AP1S2: variants seen among roughly 807,000 people sequenced by gnomAD.
AP1S2 encodes AP-1 complex subunit sigma-2.
A neutral mutation model predicts 14.3 loss-of-function variants in AP1S2; 1 was observed. The observed-to-expected ratio is 0.07, with a 90% confidence interval of 0.02 to 0.33. The LOEUF is 0.33. Ranked by LOEUF, AP1S2 falls within the 10% of genes least tolerant of loss-of-function variation. AP1S2 has a pLI of 0.99. For synonymous variants in AP1S2, 30 were observed against 40.5 expected (o/e 0.74, Z 0.99); for missense variants, 30 against 117.7 (o/e 0.25, Z 3.45).
intron 4 of AP1S2, among the ~76,000 whole-genome samples, chrX:15,839,708 G>A (rs1211376645): frequency 1.9e-5 from 2 of 108,089 alleles, no homozygotes; most frequent in African/African-American, 3.4e-5. Flanking sequence ...GGCTGGTCTC[G>A]AACTTCTGGG....
Position 15,826,830 on chromosome X carries a change from G to C in AP1S2, c.*495C>G, listed in dbSNP as rs1406821126. 9.7e-6 allele frequency: 1 copy of C among 103,579 alleles called. No homozygotes were observed. The highest frequency in any genetic ancestry group is 3.0e-4 in the East Asian group (1 of 3,360). The allele number at this position is 103,579 out of a possible 1,213,427, so 8.5% of individuals were successfully genotyped here. ...CAATACAAGTCTTTGGAGTAAATTTGCTTTTTAAAGTTTCAACAAAGTTTC... is the reference window on the plus strand; with the variant it reads ...CAATACAAGTCTTTGGAGTAAATTTCCTTTTTAAAGTTTCAACAAAGTTTC... On this transcript the variant is annotated 3_prime_UTR_variant, in exon 6 of 6. Coordinates refer to ENST00000672987, the MANE Select transcript of AP1S2 (RefSeq NM_001272071.2).
At chrX:15,833,164 T>G in intron 4 of AP1S2, 2 of 754,117 alleles carry the variant, frequency 2.7e-6, no homozygotes, top group Non-Finnish European at 3.1e-6. Flanking sequence ...TTTTCTATCA[T>G]ACCATGTAAA....
At chrX:15,833,185 C>T (rs1157040608) in intron 4 of AP1S2, 6 of 752,469 alleles carry the variant, frequency 8.0e-6, no homozygotes, top group South Asian at 1.4e-4. Flanking sequence ...AACCAACCAT[C>T]GAGAGCTTAC....
chrX:15,833,382 G>A (rs1030888706), intron 4 of AP1S2: 14 of 851,666 alleles, frequency 1.6e-5, no homozygotes, highest in Middle Eastern at 3.7e-4. Context: ...AAGGGTTGAT[G>A]ATAAGCCAAA....
At chrX:15,833,449 A>G in intron 4 of AP1S2, 1 of 890,065 alleles carries the variant, frequency 1.1e-6, no homozygotes. Context: ...ATTACCATCT[A>G]TTAAATGTGA....
chrX:15,854,625 C>G, intron 1 of AP1S2, 63 bp downstream of exon 1: 1 of 504,439 alleles, frequency 2.0e-6, no homozygotes. Context: ...GCGGGGGGCG[C>G]GCCCAGTCCT....
chrX:15,842,493 C>A (rs1933866340), intron 4 of AP1S2, among the ~76,000 whole-genome samples: 2 of 112,032 alleles, frequency 1.8e-5, no homozygotes, highest in African/African-American at 6.5e-5. Flanking sequence ...ATGGTTCACT[C>A]AGACTGCTAA....
At chrX:15,848,050 G>C (rs759297175) in intron 2 of AP1S2, among the ~76,000 whole-genome samples, 20 of 111,472 alleles carry the variant, frequency 1.8e-4, no homozygotes, top group Non-Finnish European at 2.6e-4. Flanking sequence ...TGAATCACTT[G>C]GAAGCATTAA....
chrX:15,834,459 TATATATATATATATATATATAA>T (rs1195526558), intron 4 of AP1S2, among the ~76,000 whole-genome samples: 9 of 33,259 alleles, frequency 2.7e-4, no homozygotes, highest in East Asian at 8.9e-4. Context: ...TATATATATA[TATATATATATATATATATATAA>T]TTTTTTTTTT....
chrX:15,831,718 T>G (rs771475951), intron 4 of AP1S2: 1 of 746,081 alleles, frequency 1.3e-6, no homozygotes, highest in East Asian at 1.5e-4. Context: ...AATATTTAAC[T>G]TCTAAACAAT....
Position 15,853,026 on chromosome X carries a change from T to G in AP1S2, c.1-502A>C, listed in dbSNP as rs142438040. 2.5e-3 allele frequency: 398 copies of G among 160,733 alleles called. 5 individuals are homozygous for G. The highest frequency in any genetic ancestry group is 0.012 in the African/African-American group (378 of 31,782). 13.2% of individuals were successfully genotyped at this position (160,733 alleles called of 1,213,427 possible). A position where few individuals can be genotyped will look rare whatever the true frequency, so the allele number is the denominator to read the frequency against. ...ATGTCTTGGAATGTTCTCCTCAGTTTATGATGGCATATTTTAAGCAAAACA... is the reference window on the plus strand; with the variant it reads ...ATGTCTTGGAATGTTCTCCTCAGTTGATGATGGCATATTTTAAGCAAAACA... On this transcript the variant is annotated intron_variant, in intron 1 of 5. Transcript: ENST00000672987.
At chrX:15,844,794 A>G (rs1442061087) in intron 4 of AP1S2, among the ~76,000 whole-genome samples, 1 of 112,269 alleles carries the variant, frequency 8.9e-6, no homozygotes, top group Admixed American at 9.4e-5. Flanking sequence ...TTGACAGAAC[A>G]TGGTTTGTTA....
chrX:15,854,769 A>AGGAAGAGAAGCCGTGGTGCTGT lies in AP1S2; in HGVS notation c.-104_-83dup, dbSNP rs1436270479. On this transcript the variant is annotated 5_prime_UTR_variant, in exon 1 of 6. Coordinates refer to ENST00000672987, the MANE Select transcript of AP1S2 (RefSeq NM_001272071.2). Reference sequence around the variant, plus strand: ...AGGGGAAGCCCCTGTCGCCGTGCTGAGGAAGAGAAGCCGTGGTGCTGTGGG... The same window carrying AGGAAGAGAAGCCGTGGTGCTGT: ...AGGGGAAGCCCCTGTCGCCGTGCTGAGGAAGAGAAGCCGTGGTGCTGTGGAAGAGAAGCCGTGGTGCTGTGGG... The AGGAAGAGAAGCCGTGGTGCTGT allele has an allele frequency of 1.2e-6, 1 of 816,285 alleles. No homozygotes were observed. The highest frequency in any genetic ancestry group is 1.5e-6 in the Non-Finnish European group (1 of 676,523). The allele number at this position is 816,285 out of a possible 1,213,427, so 67.3% of individuals were successfully genotyped here. A position where few individuals can be genotyped will look rare whatever the true frequency, so the allele number is the denominator to read the frequency against.
At chrX:15,849,830 C>T (rs748039164) in intron 2 of AP1S2, among the ~76,000 whole-genome samples, 5 of 111,462 alleles carry the variant, frequency 4.5e-5, no homozygotes, top group Non-Finnish European at 7.5e-5. Context: ...CCTTGTCCCC[C>T]ACTCCTATGT....
intron 4 of AP1S2, among the ~76,000 whole-genome samples, chrX:15,834,439 AATATATATATATATATATAT>A (rs1161066866): frequency 7.6e-4 from 19 of 25,128 alleles, no homozygotes; most frequent in South Asian, 7.2e-3. Context: ...TCCCTTCCAA[AATATATATATATATATATAT>A]ATATATATAT....
chrX:15,846,931 AC>A (rs1180972762), intron 2 of AP1S2, among the ~76,000 whole-genome samples: 1 of 112,164 alleles, frequency 8.9e-6, no homozygotes, highest in Non-Finnish European at 1.9e-5. Context: ...CAAAACTTCA[AC>A]CCTGAGGCAT....
chrX:15,844,974 A>C (rs1345017536), intron 4 of AP1S2: 3 of 746,400 alleles, frequency 4.0e-6, no homozygotes, highest in Non-Finnish European at 3.2e-6. Flanking sequence ...AAATGTCATA[A>C]TCTCATAGTC....
chrX:15,833,547 TATTATTTTTACC>T, intron 4 of AP1S2: 1 of 783,269 alleles, frequency 1.3e-6, no homozygotes, highest in African/African-American at 2.3e-5. Flanking sequence ...AAAATAAATG[TATTATTTTTACC>T]ATTTTAAATT....
At position 15,845,525 on chromosome X, in the gene AP1S2, G is replaced by GAAAAAAAAAAAAGA; in HGVS notation, c.289-10_289-9insTCTTTTTTTTTTTT. 9.2e-7 allele frequency: 1 copy of GAAAAAAAAAAAAGA among 1,087,814 alleles called. No individual in the cohort carries two copies. The highest frequency in any genetic ancestry group is 3.3e-5 in the East Asian group (1 of 29,932). The allele number at this position is 1,087,814 out of a possible 1,213,427, so 89.6% of individuals were successfully genotyped here. Reference sequence around the variant, plus strand: ...ATATCTAGTTCACAGACCTGAAAAGGAAAAAAAAAAGAAAAAAGAAAAGAA... The same window carrying GAAAAAAAAAAAAGA: ...ATATCTAGTTCACAGACCTGAAAAGGAAAAAAAAAAAAGAAAAAAAAAAAGAAAAAAGAAAAGAA... On this transcript the variant is annotated splice_polypyrimidine_tract_variant and intron_variant, in intron 3 of 5. Transcript: ENST00000672987.
Sources: gnomAD v4.1 joint callset for allele counts (sites outside exome capture counted in the v4.1 genomes callset) on GRCh38, gnomAD v4.1.1 for gene constraint, MANE v1.5 for transcripts, NCBI Gene and HGNC (gene_info 2026-07-23, HGNC 2026-07-21) for gene names.